Variants in EFCAB14 observed in about 807,000 individuals in gnomAD.
The protein encoded by EFCAB14 is EF-hand calcium-binding domain-containing protein 14.
In EFCAB14, 43 loss-of-function variants were observed where a neutral mutation model predicts 56.5. The observed-to-expected ratio is 0.76, with a 90% CI of 0.60 to 0.98. The LOEUF is 0.98. EFCAB14 is among the 50% of genes least tolerant of loss of function. EFCAB14 has a pLI of 0.00. For missense variants in EFCAB14, 538 were observed against 580.3 expected, an observed-to-expected ratio of 0.93 and a Z score of 0.75; for synonymous variants, 235 against 212.9, an observed-to-expected ratio of 1.10 and a Z score of -0.90.
In EFCAB14 at chr1:46,675,224, T is replaced by C. The variant is rs1300185371; in HGVS notation, c.*3237A>G. On this transcript the variant is annotated 3_prime_UTR_variant, in exon 11 of 11. Coordinates refer to ENST00000371933, the MANE Select transcript of EFCAB14 (RefSeq NM_014774.3). ...ATGGCTGTGTTACTTATTTGAAATATGCAAAGCTCAAATCAAGTCATGGAA... is the reference window on the plus strand; with the variant it reads ...ATGGCTGTGTTACTTATTTGAAATACGCAAAGCTCAAATCAAGTCATGGAA... 2 of 152,622 alleles carry C rather than the reference T, an allele frequency of 1.3e-5. No individual in the cohort carries two copies. The highest frequency in any genetic ancestry group is 6.5e-5 in the Admixed American group (1 of 15,290). 9.5% of individuals were successfully genotyped at this position (152,622 alleles called of 1,614,324 possible). A position where few individuals can be genotyped will look rare whatever the true frequency, so the allele number is the denominator to read the frequency against.
intron 3 of EFCAB14, among the ~76,000 whole-genome samples, chr1:46,698,148 C>T (rs183865518): frequency 6.6e-5 from 10 of 152,174 alleles, no homozygotes; most frequent in Admixed American, 3.3e-4. Flanking sequence ...CCACCATGTC[C>T]GGCTATGCAA....
intron 2 of EFCAB14, among the ~76,000 whole-genome samples, chr1:46,714,452 C>A (rs966021159): frequency 6.7e-6 from 1 of 148,186 alleles, no homozygotes; most frequent in Admixed American, 6.7e-5. Flanking sequence ...AAAAAAAATT[C>A]TATGTTAAAT....
rs1330875060 is a variant in EFCAB14 at position 46,683,420 on chromosome 1, C to T, written c.1192G>A (p.Val398Ile). The stretch of plus-strand genomic sequence containing the variant: ...GATGGCTTTGATGTGAAACTCTCTA[C>T]TTGCTCTGTAACAAATACATAAGGT... ...RPPETADEEQVESFTSKPSAL... is the reference protein window; with the variant it reads ...RPPETADEEQIESFTSKPSAL... Residue 398 changes from valine (V) to isoleucine (I), a missense_variant, in exon 10 of 11, where the codon GTA (valine) becomes ATA (isoleucine). Transcript: ENST00000371933. The T allele has an allele frequency of 6.2e-7, 1 of 1,613,488 alleles. No homozygotes were observed. Among genetic ancestry groups the T allele is most frequent in the South Asian group, 1.1e-5 (1 of 90,962 alleles).
intron 6 of EFCAB14, among the ~76,000 whole-genome samples, 196 bp from the exon 7 acceptor site, chr1:46,688,740 A>G (rs1212156023): frequency 6.6e-6 from 1 of 152,186 alleles, no homozygotes. Flanking sequence ...GGCCTCAGCT[A>G]GACAGGAGGG....
chr1:46,703,460 A>G (rs1677188942), intron 3 of EFCAB14, among the ~76,000 whole-genome samples: 1 of 152,122 alleles, frequency 6.6e-6, no homozygotes, highest in African/African-American at 2.4e-5. Context: ...TTGTATATGT[A>G]TTTCTGTTTA....
chr1:46,690,441 T>A (rs1417463377), intron 5 of EFCAB14, among the ~76,000 whole-genome samples: 4 of 152,154 alleles, frequency 2.6e-5, no homozygotes, highest in Admixed American at 6.5e-5. Context: ...AGAATGCAAC[T>A]GGTGAAAATA....
intron 4 of EFCAB14, among the ~76,000 whole-genome samples, chr1:46,692,718 C>T (rs769831522): frequency 2.6e-5 from 4 of 152,152 alleles, no homozygotes; most frequent in Non-Finnish European, 4.4e-5. Context: ...CCTAATGAAA[C>T]ACTGCCCTAA....
chr1:46,699,969 C>A (rs762855849), intron 3 of EFCAB14, among the ~76,000 whole-genome samples: 20 of 152,166 alleles, frequency 1.3e-4, no homozygotes, highest in Non-Finnish European at 2.6e-4. Flanking sequence ...AATGACAAGT[C>A]CATGTTGGGA....
intron 1 of EFCAB14, 104 bp downstream of exon 1, chr1:46,717,799 C>T (rs570469645): frequency 3.1e-6 from 4 of 1,276,922 alleles, no homozygotes; most frequent in African/African-American, 3.0e-5. Context: ...AAGGCCTACA[C>T]CCTTTTTTCT....
intron 3 of EFCAB14, among the ~76,000 whole-genome samples, chr1:46,698,865 C>T (rs1348647119): frequency 6.6e-6 from 1 of 152,176 alleles, no homozygotes; most frequent in African/African-American, 2.4e-5. Context: ...AGGATAATTA[C>T]ATGAATGGAG....
At chr1:46,716,512 A>G in intron 1 of EFCAB14, 69 bp from the exon 2 acceptor site, 1 of 1,551,960 alleles carries the variant, frequency 6.4e-7, no homozygotes, top group Non-Finnish European at 8.8e-7. Context: ...TAGCAATAGT[A>G]CACGTTTTGC....
At chr1:46,691,525 A>C (rs1049675731) in intron 5 of EFCAB14, among the ~76,000 whole-genome samples, 2 of 152,238 alleles carry the variant, frequency 1.3e-5, no homozygotes, top group Non-Finnish European at 2.9e-5. Flanking sequence ...AGTAATAAAC[A>C]ATGAGACACT....
At chr1:46,705,697 C>A (rs1677223946) in intron 3 of EFCAB14, among the ~76,000 whole-genome samples, 2 of 152,100 alleles carry the variant, frequency 1.3e-5, no homozygotes, top group South Asian at 2.1e-4. Context: ...ATGACCCGAT[C>A]CTGCGCTGAA....
chr1:46,684,921 C>T (rs985528236), intron 8 of EFCAB14, among the ~76,000 whole-genome samples: 1 of 152,210 alleles, frequency 6.6e-6, no homozygotes, highest in African/African-American at 2.4e-5. Context: ...GCCTATGCGA[C>T]ACCCATTTCC....
chr1:46,693,958 G>A (rs1207710526), intron 4 of EFCAB14, among the ~76,000 whole-genome samples: 3 of 152,084 alleles, frequency 2.0e-5, no homozygotes, highest in Non-Finnish European at 2.9e-5. Flanking sequence ...TGACAAACCT[G>A]ACAAAAACAA....
Position 46,688,354 on chromosome 1 carries a change from A to G in EFCAB14, c.986T>C (p.Met329Thr), listed in dbSNP as rs2148841096. ...CACAAAAGATCAGAAAAGGCTTACCATGCTGAAGGACAGGTTTGCTTTCTT... is the reference window on the plus strand; with the variant it reads ...CACAAAAGATCAGAAAAGGCTTACCGTGCTGAAGGACAGGTTTGCTTTCTT... Reference protein sequence around the residue: ...VEKKANLSFSMMGDRSATLKR... With the variant: ...VEKKANLSFSTMGDRSATLKR... The change falls in exon 7 of 11, where the codon ATG (methionine) becomes ACG (threonine). Residue 329 changes from methionine (M) to threonine (T), a missense_variant and splice_region_variant. Met to Thr is a moderately conservative substitution (Grantham distance 81). Coordinates refer to ENST00000371933, the MANE Select transcript of EFCAB14 (RefSeq NM_014774.3). 1.9e-6 allele frequency: 3 copies of G among 1,613,418 alleles called. No individual in the cohort carries two copies. Among genetic ancestry groups the G allele is most frequent in the African/African-American group, 2.7e-5 (2 of 75,042 alleles).
At chr1:46,707,884 G>T in intron 3 of EFCAB14, 22 bp downstream of exon 3, 1 of 1,602,274 alleles carries the variant, frequency 6.2e-7, no homozygotes. Context: ...AGCTTACACA[G>T]CAAAAATCAA....
intron 8 of EFCAB14, chr1:46,685,025 AG>A (rs1470006769): frequency 5.7e-5 from 9 of 156,890 alleles, no homozygotes; most frequent in Admixed American, 6.3e-5. Flanking sequence ...AGACCACTTT[AG>A]GCAGAATTTC....
At chr1:46,681,930 A>AAATT (rs1676802088) in intron 10 of EFCAB14, among the ~76,000 whole-genome samples, 1 of 152,072 alleles carries the variant, frequency 6.6e-6, no homozygotes, top group Non-Finnish European at 1.5e-5. Context: ...TGTTCCCATT[A>AAATT]AACACAACAC....
Sources: allele counts gnomAD v4.1 joint callset (sites outside exome capture counted in the v4.1 genomes callset), GRCh38; gene constraint gnomAD v4.1.1; transcripts MANE v1.5; gene names NCBI Gene and HGNC (gene_info 2026-07-23, HGNC 2026-07-21).